DCC: variants seen among roughly 807,000 people sequenced by gnomAD.
The protein encoded by DCC is netrin receptor DCC.
A neutral mutation model predicts 172.5 loss-of-function variants in DCC; 58 were observed. The observed-to-expected ratio is 0.34, with a 90% CI of 0.27 to 0.42. DCC has a LOEUF of 0.42. DCC is among the 10% of genes least tolerant of loss of function. The pLI is 1.00. For missense variants in DCC, 1,740 were observed against 1,791.0 expected (o/e 0.97, Z 0.51); for synonymous variants, 709 against 644.5 (o/e 1.10, Z -1.52).
intron 15 of DCC, among the ~76,000 whole-genome samples, chr18:53,356,274 A>T (rs968542220): frequency 2.0e-5 from 3 of 151,662 alleles, no homozygotes; most frequent in Non-Finnish European, 2.9e-5. Flanking sequence ...TCATAATAAC[A>T]CTTTCATTGT....
intron 1 of DCC, among the ~76,000 whole-genome samples, chr18:52,484,666 C>G (rs968544525): frequency 6.6e-6 from 1 of 151,962 alleles, no homozygotes; most frequent in Non-Finnish European, 1.5e-5. Flanking sequence ...GGTACTAGTT[C>G]TTCTATAGAA....
intron 7 of DCC, among the ~76,000 whole-genome samples, chr18:53,112,739 T>TG (rs36007313): frequency 6.6e-6 from 1 of 151,402 alleles, no homozygotes; most frequent in Non-Finnish European, 1.5e-5. Context: ...GCAGGATTCT[T>TG]GGGGTAGAAT....
At chr18:53,196,733 A>G (rs1190393166) in intron 9 of DCC, among the ~76,000 whole-genome samples, 2 of 152,168 alleles carry the variant, frequency 1.3e-5, no homozygotes, top group East Asian at 3.8e-4. Context: ...ATATATTTAT[A>G]CACACATACG....
intron 2 of DCC, among the ~76,000 whole-genome samples, chr18:52,793,927 T>A (rs1050394272): frequency 2.2e-4 from 33 of 152,300 alleles, no homozygotes; most frequent in South Asian, 1.0e-3. Context: ...GTGCCTTTTT[T>A]AAAAAATCAG....
At chr18:52,764,184 T>C (rs1055831129) in intron 2 of DCC, among the ~76,000 whole-genome samples, 4 of 152,354 alleles carry the variant, frequency 2.6e-5, no homozygotes, top group East Asian at 1.9e-4. Context: ...TGCTATTGAC[T>C]GAGCATATAG....
At chr18:53,106,102 A>G (rs1016147835) in intron 7 of DCC, among the ~76,000 whole-genome samples, 3 of 151,720 alleles carry the variant, frequency 2.0e-5, no homozygotes, top group South Asian at 2.1e-4. Flanking sequence ...CAGTTAGGGG[A>G]AGCTAATAAA....
intron 1 of DCC, among the ~76,000 whole-genome samples, chr18:52,588,750 G>A (rs890016727): frequency 6.6e-6 from 1 of 152,060 alleles, no homozygotes; most frequent in Non-Finnish European, 1.5e-5. Context: ...GTGGAAGCAG[G>A]AACAGGTGAA....
chr18:53,391,500 A>G (rs1908541761), intron 16 of DCC, among the ~76,000 whole-genome samples, 155 bp from the exon 17 acceptor site: 1 of 152,218 alleles, frequency 6.6e-6, no homozygotes, highest in Non-Finnish European at 1.5e-5. Context: ...TTCCGATTGA[A>G]TTAATTACAT....
At chr18:52,541,873 G>GTGTATATATATATATATATA (rs2032460334) in intron 1 of DCC, among the ~76,000 whole-genome samples, 1 of 30,036 alleles carries the variant, frequency 3.3e-5, no homozygotes, top group African/African-American at 1.2e-4. Flanking sequence ...ATGTGTGTGT[G>GTGTATATATATATATATATA]TGTATATATA....
chr18:53,383,532 C>G (rs1907923354), intron 15 of DCC, among the ~76,000 whole-genome samples: 1 of 146,852 alleles, frequency 6.8e-6, no homozygotes, highest in Non-Finnish European at 1.5e-5. Context: ...TCTAGTATGT[C>G]AAAATATTTC....
intron 1 of DCC, among the ~76,000 whole-genome samples, chr18:52,624,521 G>A (rs2034537029): frequency 6.6e-6 from 1 of 152,172 alleles, no homozygotes; most frequent in Non-Finnish European, 1.5e-5. Context: ...GTTGGAACAA[G>A]CTTGTGAGTA....
chr18:52,515,927 G>GAAAAAAAA (rs1316170577), intron 1 of DCC, among the ~76,000 whole-genome samples: 1 of 75,590 alleles, frequency 1.3e-5, no homozygotes, highest in Non-Finnish European at 3.6e-5. Flanking sequence ...GTTAGAAAAT[G>GAAAAAAAA]GAAAAAAAAA....
chr18:53,347,814 A>G (rs893373166), intron 15 of DCC, among the ~76,000 whole-genome samples: 2 of 152,160 alleles, frequency 1.3e-5, no homozygotes, highest in Non-Finnish European at 2.9e-5. Context: ...GAGCTTGTGC[A>G]GAGAAACGCC....
At chr18:53,277,890 A>G (rs2056824202) in intron 12 of DCC, among the ~76,000 whole-genome samples, 2 of 152,176 alleles carry the variant, frequency 1.3e-5, no homozygotes, top group Admixed American at 6.5e-5. Context: ...TTTCCATGCA[A>G]GATTCCAGGG....
At chr18:52,457,197 A>G (rs977874814) in intron 1 of DCC, among the ~76,000 whole-genome samples, 1 of 152,192 alleles carries the variant, frequency 6.6e-6, no homozygotes, top group African/African-American at 2.4e-5. Flanking sequence ...GAAGAAAGGC[A>G]GAAGTGGGAT....
At chr18:52,516,362 C>A (rs769291450) in intron 1 of DCC, among the ~76,000 whole-genome samples, 13 of 152,106 alleles carry the variant, frequency 8.5e-5, no homozygotes, top group African/African-American at 1.2e-4. Context: ...AGCGGTTAAG[C>A]AAATTGTGAT....
rs546594069 is a variant in DCC at position 52,680,085 on chromosome 18, C to G, written c.92-71969C>G. 4.6e-5 allele frequency among the ~76,000 whole-genome samples: 7 copies of G among 152,114 alleles called. 1 individual carries two copies. Among genetic ancestry groups the G allele is most frequent in the African/African-American group, 1.7e-4 (7 of 41,526 alleles). On this transcript the variant is annotated intron_variant, in intron 1 of 28. Coordinates refer to ENST00000442544, the MANE Select transcript of DCC (RefSeq NM_005215.4). Reference sequence around the variant, plus strand: ...AGGCATCACATCAGGCTTAGAGAGGCGTAGATTCATTCATAAAACATTTTC... The same window carrying G: ...AGGCATCACATCAGGCTTAGAGAGGGGTAGATTCATTCATAAAACATTTTC...
At chr18:52,554,805 A>G (rs2032868986) in intron 1 of DCC, among the ~76,000 whole-genome samples, 1 of 152,072 alleles carries the variant, frequency 6.6e-6, no homozygotes, top group Non-Finnish European at 1.5e-5. Context: ...TAGTCCTCTC[A>G]TTTAAGAAAT....
chr18:53,527,132 TGTGTTTC>T (rs1268736000), intron 28 of DCC, among the ~76,000 whole-genome samples: 2 of 149,860 alleles, frequency 1.3e-5, no homozygotes, highest in African/African-American at 2.5e-5. Context: ...TGTGTGTGTG[TGTGTTTC>T]TTTTCAATAG....
Sources: gnomAD v4.1 joint callset for allele counts (sites outside exome capture counted in the v4.1 genomes callset) on GRCh38, gnomAD v4.1.1 for gene constraint, MANE v1.5 for transcripts, NCBI Gene and HGNC (gene_info 2026-07-23, HGNC 2026-07-21) for gene names.